The following SULF2 variants were observed in gnomAD, a reference collection of about 807,000 sequenced individuals.
SULF2 encodes extracellular sulfatase Sulf-2.
SULF2 carries 52 observed loss-of-function variants against 107.7 expected under a neutral mutation model. That is an observed-to-expected ratio of 0.48 (90% confidence interval 0.39 to 0.61). The LOEUF (loss-of-function observed/expected upper bound fraction) is 0.61, where lower values mean the gene tolerates loss of function less well. Ranked by LOEUF, SULF2 falls within the 20% of genes least tolerant of loss-of-function variation. The probability of loss-of-function intolerance (pLI) is 0.00; values close to 1 mark genes in which losing one functional copy is unlikely to be tolerated. For missense variants in SULF2, 993 were observed against 1,177.3 expected, an observed-to-expected ratio of 0.84 and a Z score of 2.29; for synonymous variants, 460 against 464.3, an observed-to-expected ratio of 0.99 and a Z score of 0.12.
rs6094771 is a variant in SULF2, at chr20:47,661,997, A to G, written c.2371-101T>C. 6.2e-3 allele frequency: 7,825 copies of G among 1,271,226 alleles called. 371 individuals carry two copies. The African/African-American group carries it at 0.11, about 17-fold the overall frequency. 78.7% of individuals were successfully genotyped at this position (1,271,226 alleles called of 1,614,324 possible). On this transcript the variant is annotated intron_variant, in intron 17 of 20. Transcript: ENST00000688720. ...CATATTTCAGGCAGGTGGCGGGTGG[A>G]AGGTGCTAGGGGCTGGTGACCTGTT...
chr20:47,754,031 A>G (rs1358585820), intron 2 of SULF2, among the ~76,000 whole-genome samples: 1 of 152,228 alleles, frequency 6.6e-6, no homozygotes, highest in Non-Finnish European at 1.5e-5. Flanking sequence ...TGGCCCTGGA[A>G]GCAGTTCCCC....
intron 10 of SULF2, among the ~76,000 whole-genome samples, chr20:47,674,044 A>G (rs1171455285): frequency 6.6e-6 from 1 of 152,248 alleles, no homozygotes; most frequent in East Asian, 1.9e-4. Context: ...AGTCAACTCC[A>G]GCCCACAGCC....
chr20:47,665,379 T>C (rs557892298), intron 13 of SULF2, 86 bp from the exon 14 acceptor site: 32 of 910,408 alleles, frequency 3.5e-5, no homozygotes, highest in Non-Finnish European at 5.5e-5. Flanking sequence ...CACGCTGCCG[T>C]GTCTGTGCTC....
At chr20:47,746,980 AAT>A (rs1215850334) in intron 2 of SULF2, among the ~76,000 whole-genome samples, 1,214 of 45,858 alleles carry the variant, frequency 0.026, 17 homozygotes, top group African/African-American at 0.041. Flanking sequence ...AACTTAAATA[AAT>A]AAAAAAAAAA....
At position 47,659,854 on chromosome 20, in the gene SULF2, C is replaced by T. The variant is rs532669824; in HGVS notation, c.2495-124G>A. On this transcript the variant is annotated intron_variant, in intron 18 of 20. Transcript: ENST00000688720. ...CCCATGATGCTGATAGTGTTCCCTACTCAGAGTAGACTGAATTATGAGGGG... is the reference window on the plus strand; with the variant it reads ...CCCATGATGCTGATAGTGTTCCCTATTCAGAGTAGACTGAATTATGAGGGG... 6 of 726,508 alleles carry T rather than the reference C, an allele frequency of 8.3e-6. No individual in the cohort carries two copies. In the East Asian group the frequency reaches 1.6e-4, roughly 19 times the overall value. The allele number at this position is 726,508 out of a possible 1,614,324, so 45.0% of individuals were successfully genotyped here. A position where few individuals can be genotyped will look rare whatever the true frequency, so the allele number is the denominator to read the frequency against.
intron 1 of SULF2, among the ~76,000 whole-genome samples, chr20:47,761,609 C>T (rs542639330): frequency 3.3e-5 from 5 of 152,328 alleles, no homozygotes; most frequent in East Asian, 1.9e-4. Context: ...CGCGTGCCCT[C>T]GCGCTCGCAC....
At chr20:47,724,841 C>T (rs1392976625) in intron 3 of SULF2, among the ~76,000 whole-genome samples, 1 of 152,218 alleles carries the variant, frequency 6.6e-6, no homozygotes, top group African/African-American at 2.4e-5. Flanking sequence ...TTCTCAGCGC[C>T]ATCAGACTGA....
At position 47,757,448 on chromosome 20, in the gene SULF2, C is replaced by T; in HGVS notation, c.-85G>A. On this transcript the variant is annotated 5_prime_UTR_variant, in exon 2 of 21. Transcript: ENST00000688720. ...TGGCTTTGTTTCTTTTCCCTCGTCC[C>T]TCTTCACTCGCAGATCTAGAGGAGG... 2 of 1,423,592 alleles carry T rather than the reference C, an allele frequency of 1.4e-6. No homozygotes were observed. The highest frequency in any genetic ancestry group is 9.4e-7 in the Non-Finnish European group (1 of 1,061,556). The allele number at this position is 1,423,592 out of a possible 1,614,324, so 88.2% of individuals were successfully genotyped here. A position where few individuals can be genotyped will look rare whatever the true frequency, so the allele number is the denominator to read the frequency against.
intron 10 of SULF2, among the ~76,000 whole-genome samples, chr20:47,673,029 C>T (rs970941596): frequency 6.6e-6 from 1 of 152,236 alleles, no homozygotes; most frequent in Non-Finnish European, 1.5e-5. Context: ...AGAGGCTCCA[C>T]GTGTGCACTC....
intron 14 of SULF2, 145 bp from the exon 15 acceptor site, chr20:47,664,334 G>T: frequency 1.3e-6 from 1 of 750,720 alleles, no homozygotes; most frequent in Non-Finnish European, 2.2e-6. Flanking sequence ...GGTAGGGCAT[G>T]ACCCTATCCT....
At chr20:47,740,833 G>A (rs938241382) in intron 2 of SULF2, among the ~76,000 whole-genome samples, 4 of 151,912 alleles carry the variant, frequency 2.6e-5, no homozygotes, top group Non-Finnish European at 2.9e-5. Context: ...GATGTCATTC[G>A]GCTGTCGATT....
At chr20:47,759,184 T>A (rs989994897) in intron 1 of SULF2, among the ~76,000 whole-genome samples, 5 of 152,166 alleles carry the variant, frequency 3.3e-5, no homozygotes, top group African/African-American at 1.2e-4. Flanking sequence ...CTCACCTTAG[T>A]GCCAGTCCTG....
At chr20:47,730,641 G>T (rs2089572016) in intron 3 of SULF2, among the ~76,000 whole-genome samples, 1 of 152,114 alleles carries the variant, frequency 6.6e-6, no homozygotes, top group African/African-American at 2.4e-5. Context: ...AGTAGAGACG[G>T]GTTTCACTAT....
At chr20:47,723,025 G>A (rs1216326118) in intron 3 of SULF2, among the ~76,000 whole-genome samples, 1 of 151,926 alleles carries the variant, frequency 6.6e-6, no homozygotes, top group East Asian at 1.9e-4. Flanking sequence ...CAAGATCGTG[G>A]CACAGCACTC....
At chr20:47,737,767 T>G (rs1367343584) in intron 2 of SULF2, among the ~76,000 whole-genome samples, 1 of 136,808 alleles carries the variant, frequency 7.3e-6, no homozygotes, top group African/African-American at 2.8e-5. Flanking sequence ...TTTTTTTTTT[T>G]TTTTTTTTTT....
chr20:47,665,857 C>G lies in SULF2; in HGVS notation c.1902G>C (p.Glu634Asp). 6.2e-7 allele frequency: 1 copy of G among 1,613,622 alleles called. No homozygotes were observed. Among genetic ancestry groups the G allele is most frequent in the Non-Finnish European group, 8.5e-7 (1 of 1,179,688 alleles). The change falls in exon 13 of 21, where the codon GAG becomes GAC. Residue 634 changes from glutamate (E) to aspartate (D), a missense_variant and splice_region_variant. This residue lies in a region of SULF2 where 497 missense variants were observed against 544.1 expected (regional missense o/e 0.91). Coordinates refer to ENST00000688720, the MANE Select transcript of SULF2 (RefSeq NM_001387048.1). ...TGCTCCTCTCCCGCTCTCCACTCACCTCGTGGTCGATGTGCAGCTTGTGGT... is the reference window on the plus strand; with the variant it reads ...TGCTCCTCTCCCGCTCTCCACTCACGTCGTGGTCGATGTGCAGCTTGTGGT... The part of the protein sequence containing the change: ...WKDHKLHIDH[E>D]IETLQNKIKN...
At chr20:47,783,810 T>C (rs1416268946) in intron 1 of SULF2, among the ~76,000 whole-genome samples, 1 of 152,170 alleles carries the variant, frequency 6.6e-6, no homozygotes, top group Admixed American at 6.5e-5. Context: ...ACCTTCGCCT[T>C]TCAAGCTGCT....
At chr20:47,737,943 C>CA (rs1387073258) in intron 2 of SULF2, among the ~76,000 whole-genome samples, 14 of 151,868 alleles carry the variant, frequency 9.2e-5, no homozygotes, top group Non-Finnish European at 1.3e-4. Context: ...GACGTTTCGC[C>CA]ATGTTGGCCA....
In SULF2 at chr20:47,672,233, C is replaced by T. The variant is rs1186399963; in HGVS notation, c.1541G>A (p.Ser514Asn). ...GAGTTTTTTCCGGCGTCCGGCCAGG[C>T]TGAGCTTGTAGTCCCCGCTGTCACA... ...CTCDSGDYKL[S>N]LAGRRKKLFK... The change falls in exon 11 of 21, where the codon AGC (serine) becomes AAC (asparagine). Residue 514 changes from serine to asparagine, a missense_variant. Around this residue, in one of 3 missense-constraint regions of SULF2, gnomAD observed 497 missense variants for 544.1 expected, o/e 0.91. Transcript: ENST00000688720. The T allele has an allele frequency of 7.4e-6, 12 of 1,611,898 alleles. No homozygotes were observed. Among genetic ancestry groups the T allele is most frequent in the Non-Finnish European group, 1.0e-5 (12 of 1,178,398 alleles).
Sources: allele counts gnomAD v4.1 joint callset (sites outside exome capture counted in the v4.1 genomes callset), GRCh38; gene constraint gnomAD v4.1.1; regional missense constraint gnomAD v4.1.1; transcripts MANE v1.5; gene names NCBI Gene and HGNC (gene_info 2026-07-23, HGNC 2026-07-21).